Variants in CACHD1 observed in about 807,000 individuals in gnomAD.
CACHD1 encodes VWFA and cache domain-containing protein 1.
Under a neutral mutation model 138.7 loss-of-function variants are expected in CACHD1, and 71 were observed. The observed-to-expected ratio is 0.51, with a 90% CI of 0.42 to 0.62. The LOEUF (loss-of-function observed/expected upper bound fraction) is 0.62, where lower values mean the gene tolerates loss of function less well. Ranked by LOEUF, CACHD1 falls within the 20% of genes least tolerant of loss-of-function variation. The pLI is 0.00. For synonymous variants in CACHD1, 578 were observed against 591.5 expected (o/e 0.98, Z 0.33); for missense variants, 1,389 against 1,625.3 (o/e 0.85, Z 2.50).
At chr1:64,574,292 G>A (rs757550423) in intron 2 of CACHD1, among the ~76,000 whole-genome samples, 14 of 152,130 alleles carry the variant, frequency 9.2e-5, no homozygotes, top group Non-Finnish European at 1.5e-4. Context: ...TATCTGCTCC[G>A]CCTAGCTCCC....
intron 1 of CACHD1, among the ~76,000 whole-genome samples, chr1:64,548,531 C>A (rs886717808): frequency 2.6e-5 from 4 of 152,102 alleles, no homozygotes; most frequent in Non-Finnish European, 4.4e-5. Context: ...ACTAAGATGT[C>A]CCCCAAAGAT....
intron 1 of CACHD1, among the ~76,000 whole-genome samples, chr1:64,522,632 T>C (rs544490820): frequency 9.4e-4 from 143 of 152,214 alleles, no homozygotes; most frequent in African/African-American, 3.3e-3. Context: ...TTATGTAAGA[T>C]GTTATCAATG....
intron 4 of CACHD1, among the ~76,000 whole-genome samples, chr1:64,622,598 T>C (rs1307602593): frequency 6.6e-6 from 1 of 152,228 alleles, no homozygotes; most frequent in Non-Finnish European, 1.5e-5. Flanking sequence ...CAGTAAGTTT[T>C]TTATCTGTTG....
chr1:64,649,003 G>A (rs1225753640), intron 9 of CACHD1, among the ~76,000 whole-genome samples: 1 of 152,062 alleles, frequency 6.6e-6, no homozygotes, highest in Admixed American at 6.6e-5. Context: ...TGAAGAAGTA[G>A]CTAATTATTA....
intron 1 of CACHD1, among the ~76,000 whole-genome samples, chr1:64,493,166 A>C (rs1158410998): frequency 6.6e-6 from 1 of 152,222 alleles, no homozygotes; most frequent in Admixed American, 6.5e-5. Context: ...ATATCTTATA[A>C]ATGTTTGGAA....
intron 2 of CACHD1, among the ~76,000 whole-genome samples, chr1:64,578,481 T>C (rs1646986778): frequency 6.6e-6 from 1 of 152,202 alleles, no homozygotes; most frequent in African/African-American, 2.4e-5. Context: ...ATTTTCCAGT[T>C]TTCTGTTGTT....
At chr1:64,543,011 A>G (rs1004548457) in intron 1 of CACHD1, among the ~76,000 whole-genome samples, 1 of 150,984 alleles carries the variant, frequency 6.6e-6, no homozygotes, top group Non-Finnish European at 1.5e-5. Context: ...ACACACACAC[A>G]CGCATAATTA....
At chr1:64,495,788 C>CT (rs1282859139) in intron 1 of CACHD1, among the ~76,000 whole-genome samples, 4 of 151,738 alleles carry the variant, frequency 2.6e-5, no homozygotes, top group Non-Finnish European at 4.4e-5. Flanking sequence ...TCTAAGCCTA[C>CT]TTTTTTTTCT....
intron 26 of CACHD1, among the ~76,000 whole-genome samples, chr1:64,689,413 T>G (rs2100753333): frequency 6.6e-6 from 1 of 152,274 alleles, no homozygotes; most frequent in South Asian, 2.1e-4. Context: ...ACTTACCAAT[T>G]TCTCTTGCCT....
At position 64,604,356 on chromosome 1, in the gene CACHD1, G is replaced by T. The variant is rs572382550; in HGVS notation, c.517+1444G>T. Reference sequence around the variant, plus strand: ...CTAGAAAGGAAGCTAAATGAGAATGGTTTTCATTACAAAAATAACAAAAGA... The same window carrying T: ...CTAGAAAGGAAGCTAAATGAGAATGTTTTTCATTACAAAAATAACAAAAGA... On this transcript the variant is annotated intron_variant, in intron 4 of 26. Coordinates refer to ENST00000651257, the MANE Select transcript of CACHD1 (RefSeq NM_020925.4). Among the ~76,000 whole-genome samples, 80 of 152,258 alleles carry T rather than the reference G, an allele frequency of 5.3e-4. 1 individual carries two copies. The highest frequency in any genetic ancestry group is 6.8e-3 in the Middle Eastern group (2 of 294).
At chr1:64,485,684 G>T (rs1646237966) in intron 1 of CACHD1, among the ~76,000 whole-genome samples, 1 of 152,092 alleles carries the variant, frequency 6.6e-6, no homozygotes, top group Non-Finnish European at 1.5e-5. Context: ...GGACTCAAGT[G>T]ATCCTCCCAT....
At chr1:64,680,017 G>C (rs537135916) in intron 24 of CACHD1, among the ~76,000 whole-genome samples, 7 of 152,302 alleles carry the variant, frequency 4.6e-5, no homozygotes, top group Admixed American at 3.9e-4. Context: ...GCCAGTCAGG[G>C]GAGCTGGGAT....
intron 1 of CACHD1, among the ~76,000 whole-genome samples, chr1:64,548,668 A>G (rs556545531): frequency 1.3e-5 from 2 of 152,338 alleles, no homozygotes; most frequent in East Asian, 1.9e-4. Context: ...AATCAAATAC[A>G]TTGGTTGAGA....
intron 1 of CACHD1, among the ~76,000 whole-genome samples, chr1:64,475,070 T>C (rs1023689328): frequency 2.1e-4 from 32 of 151,908 alleles, no homozygotes. Context: ...GGGGCAGAAG[T>C]GTCAAAGATA....
At chr1:64,663,579 A>G in intron 13 of CACHD1, 116 bp from the exon 14 acceptor site, 1 of 1,322,460 alleles carries the variant, frequency 7.6e-7, no homozygotes, top group East Asian at 2.3e-5. Flanking sequence ...AAAAAGGAAA[A>G]AAAAAGACAT....
Position 64,549,420 on chromosome 1 carries a change from C to T in CACHD1, c.199-1174C>T, listed in dbSNP as rs371459621. 4.1e-4 allele frequency among the ~76,000 whole-genome samples: 63 copies of T among 152,176 alleles called. No homozygotes were observed. The South Asian group carries it at 0.013, about 31-fold the overall frequency. ...ACACATTGGAGAATGATGGGAGGCA[C>T]CATGATTTGTAATAATTTTCCAGAC... On this transcript the variant is annotated intron_variant, in intron 1 of 26. Transcript: ENST00000651257.
At chr1:64,689,953 A>C (rs1174705513) in intron 26 of CACHD1, among the ~76,000 whole-genome samples, 1 of 152,224 alleles carries the variant, frequency 6.6e-6, no homozygotes, top group African/African-American at 2.4e-5. Flanking sequence ...TTTTGTGAGC[A>C]TCTGTCTCAA....
At chr1:64,507,459 A>G (rs949632948) in intron 1 of CACHD1, among the ~76,000 whole-genome samples, 3 of 152,178 alleles carry the variant, frequency 2.0e-5, no homozygotes, top group African/African-American at 7.2e-5. Flanking sequence ...ATGAAAGGTG[A>G]TGTTTTTTAC....
chr1:64,646,095 C>T (rs1648892705), intron 8 of CACHD1, among the ~76,000 whole-genome samples: 1 of 152,180 alleles, frequency 6.6e-6, no homozygotes, highest in Non-Finnish European at 1.5e-5. Context: ...TTCCATCCCA[C>T]GCTACTCTTC....
Sources: allele counts gnomAD v4.1 joint callset (sites outside exome capture counted in the v4.1 genomes callset), GRCh38; gene constraint gnomAD v4.1.1; transcripts MANE v1.5; gene names NCBI Gene and HGNC (gene_info 2026-07-23, HGNC 2026-07-21).